Variants in CLK4 observed in about 807,000 individuals in gnomAD.
The protein encoded by CLK4 is dual specificity protein kinase CLK4.
In CLK4, 37 loss-of-function variants were observed where a neutral mutation model predicts 64.4. The observed-to-expected ratio is 0.57, with a 90% CI of 0.44 to 0.76. The LOEUF (loss-of-function observed/expected upper bound fraction) is 0.76, where lower values mean the gene tolerates loss of function less well. CLK4 is among the 30% of genes least tolerant of loss of function. The pLI, the probability that CLK4 is intolerant of heterozygous loss-of-function variation, is 0.00. For missense variants in CLK4, 457 were observed against 605.1 expected (o/e 0.76, Z 2.57); for synonymous variants, 175 against 191.6 (o/e 0.91, Z 0.72).
chr5:178,626,593 C>A (rs1764783434), intron 1 of CLK4, among the ~76,000 whole-genome samples: 1 of 152,256 alleles, frequency 6.6e-6, no homozygotes, highest in African/African-American at 2.4e-5. Flanking sequence ...ACACGAATGC[C>A]AGAGACGGCT....
chr5:178,617,534 A>G lies in CLK4; in HGVS notation c.385-100T>C, dbSNP rs1308738911. On this transcript the variant is annotated intron_variant, in intron 3 of 12. Coordinates refer to ENST00000316308, the MANE Select transcript of CLK4 (RefSeq NM_020666.3). The surrounding 1 kb of genome is among the most constrained non-coding windows in gnomAD (Gnocchi z 5.2). Reference sequence around the variant, plus strand: ...CAATTCATTCAGCGGGGAGATATTCAGGCATTCAGATAAGCACCAGGCCAC... The same window carrying G: ...CAATTCATTCAGCGGGGAGATATTCGGGCATTCAGATAAGCACCAGGCCAC... 3 of 1,214,044 alleles carry G rather than the reference A, an allele frequency of 2.5e-6. No homozygotes were observed. The highest frequency in any genetic ancestry group is 3.5e-6 in the Non-Finnish European group (3 of 865,208). 75.2% of individuals were successfully genotyped at this position (1,214,044 alleles called of 1,614,324 possible). A position where few individuals can be genotyped will look rare whatever the true frequency, so the allele number is the denominator to read the frequency against.
Position 178,603,641 on chromosome 5 carries a change from GA to G in CLK4, c.1421del (p.Phe474SerfsTer5). ...TTCATTTCTTTTTTAATAAGTCAAA[GA>G]AAGGATGCTGCAATGCTTCATCCAA... ...ITLDEALQHP[F>X]FDLLKKK On this transcript the variant is annotated frameshift_variant, in exon 13 of 13. Coordinates refer to ENST00000316308, the MANE Select transcript of CLK4 (RefSeq NM_020666.3). LOFTEE classifies it high-confidence loss of function. 6.3e-7 allele frequency: 1 copy of G among 1,584,086 alleles called. No individual in the cohort carries two copies. The highest frequency in any genetic ancestry group is 1.2e-5 in the South Asian group (1 of 85,118).
At chr5:178,626,487 C>G (rs1017536649) in intron 1 of CLK4, among the ~76,000 whole-genome samples, 1 of 152,210 alleles carries the variant, frequency 6.6e-6, no homozygotes, top group Non-Finnish European at 1.5e-5. Context: ...GCCTTTGGCG[C>G]ACTCAAGACA....
intron 2 of CLK4, among the ~76,000 whole-genome samples, chr5:178,621,216 C>T (rs1764702653): frequency 6.6e-6 from 1 of 152,154 alleles, no homozygotes; most frequent in African/African-American, 2.4e-5. Flanking sequence ...GGCCTTAGGT[C>T]ATACTCACTG....
intron 2 of CLK4, chr5:178,619,680 G>A (rs1387250043): frequency 5.1e-6 from 4 of 779,100 alleles, no homozygotes. Context: ...TGAAAGCCAT[G>A]GACTCTCTTT....
At chr5:178,614,476 G>C (rs889747726) in intron 5 of CLK4, among the ~76,000 whole-genome samples, 1 of 152,196 alleles carries the variant, frequency 6.6e-6, no homozygotes, top group Non-Finnish European at 1.5e-5. Flanking sequence ...GTGGGCTTTA[G>C]ACTGCGGCAT....
At chr5:178,605,667 T>A (rs947182682) in intron 10 of CLK4, among the ~76,000 whole-genome samples, 5 of 152,238 alleles carry the variant, frequency 3.3e-5, no homozygotes. Flanking sequence ...GAGCTAGGTA[T>A]GTGGGAACAT....
chr5:178,620,774 T>C (rs1764697431), intron 2 of CLK4: 1 of 274,002 alleles, frequency 3.6e-6, no homozygotes, highest in Middle Eastern at 9.6e-4. Context: ...AATCCAACAA[T>C]GTAGGAAATT....
chr5:178,626,343 A>C (rs1184776689), intron 1 of CLK4, among the ~76,000 whole-genome samples: 13 of 152,214 alleles, frequency 8.5e-5, no homozygotes, highest in Admixed American at 8.5e-4. Flanking sequence ...CGCTGCAACA[A>C]TGTTGTGTTC....
In CLK4 at chr5:178,617,072, A is replaced by C; in HGVS notation, c.476-124T>G. 1.4e-6 allele frequency: 1 copy of C among 717,960 alleles called. No individual in the cohort carries two copies. The highest frequency in any genetic ancestry group is 2.4e-6 in the Non-Finnish European group (1 of 418,506). 44.5% of individuals were successfully genotyped at this position (717,960 alleles called of 1,614,324 possible). On this transcript the variant is annotated intron_variant, in intron 4 of 12. Transcript: ENST00000316308. The surrounding 1 kb of genome is among the most constrained non-coding windows in gnomAD (Gnocchi z 5.2). Reference sequence around the variant, plus strand: ...TCTAACAAAGCATAACTAAGGTTTCAGCACTCAAATTATTTTAGTTTCAGC... The same window carrying C: ...TCTAACAAAGCATAACTAAGGTTTCCGCACTCAAATTATTTTAGTTTCAGC...
At chr5:178,604,064 A>G in intron 11 of CLK4, 130 bp from the exon 12 acceptor site, 3 of 580,374 alleles carry the variant, frequency 5.2e-6, no homozygotes, top group Non-Finnish European at 5.8e-6. Flanking sequence ...AGATGCATAC[A>G]ATTTTTAAAA....
rs560971861 is a variant in CLK4 at position 178,615,584 on chromosome 5, G to A, written c.542+1298C>T. ...TAATAAAACATTTCTAAGTATTCAA[G>A]AAGAGTTTGTTTATGGATGATGGTA... is the stretch of plus-strand genomic sequence containing the variant. On this transcript the variant is annotated intron_variant, in intron 5 of 12. Coordinates refer to ENST00000316308, the MANE Select transcript of CLK4 (RefSeq NM_020666.3). 9.2e-5 allele frequency among the ~76,000 whole-genome samples: 14 copies of A among 152,274 alleles called. 1 individual carries two copies. In the South Asian group the frequency reaches 2.7e-3, roughly 29 times the overall value.
rs919804763 is a variant in CLK4 at position 178,608,527 on chromosome 5, C to T, written c.1052-69G>A. On this transcript the variant is annotated intron_variant, in intron 9 of 12. Coordinates refer to ENST00000316308, the MANE Select transcript of CLK4 (RefSeq NM_020666.3). Reference sequence around the variant, plus strand: ...TAATTGACAGTACATTAAATCCTTCCCTATATGAGTGCTCCCTTTACAGAA... The same window carrying T: ...TAATTGACAGTACATTAAATCCTTCTCTATATGAGTGCTCCCTTTACAGAA... 1.1e-5 allele frequency: 12 copies of T among 1,129,732 alleles called. No homozygotes were observed. The African/African-American group carries it at 1.7e-4, about 16-fold the overall frequency. The allele number at this position is 1,129,732 out of a possible 1,614,324, so 70.0% of individuals were successfully genotyped here. A position where few individuals can be genotyped will look rare whatever the true frequency, so the allele number is the denominator to read the frequency against.
intron 10 of CLK4, among the ~76,000 whole-genome samples, chr5:178,607,998 T>C (rs775700): frequency 0.91 from 137,867 of 152,230 alleles, 62,505 homozygotes; most frequent in East Asian, 1. Flanking sequence ...CCTTGTTGTT[T>C]CTGAATTCTT....
intron 9 of CLK4, among the ~76,000 whole-genome samples, chr5:178,609,184 C>T (rs1320518085): frequency 6.6e-6 from 1 of 152,058 alleles, no homozygotes; most frequent in African/African-American, 2.4e-5. Context: ...AAAGAACCAA[C>T]CACATAGATA....
At chr5:178,607,983 C>A (rs1764492087) in intron 10 of CLK4, among the ~76,000 whole-genome samples, 1 of 152,138 alleles carries the variant, frequency 6.6e-6, no homozygotes, top group African/African-American at 2.4e-5. Context: ...GAGTAAAATA[C>A]AATCCCTTGT....
At chr5:178,613,013 CTG>C in intron 7 of CLK4, 123 bp from the exon 8 acceptor site, 2 of 517,584 alleles carry the variant, frequency 3.9e-6, no homozygotes, top group Non-Finnish European at 7.0e-6. Context: ...TGTAAAATGT[CTG>C]TTTTTTTAGT....
rs200310750 is a variant in CLK4, at chr5:178,603,623, C to T, written c.1440G>A (p.Lys480=). 1 of 1,564,994 alleles carries T rather than the reference C, an allele frequency of 6.4e-7. No individual in the cohort carries two copies. Among genetic ancestry groups the T allele is most frequent in the African/African-American group, 1.4e-5 (1 of 72,712 alleles). Residue 480 remains lysine (K), a synonymous_variant, in exon 13 of 13, where the codon AAG becomes AAA. Coordinates refer to ENST00000316308, the MANE Select transcript of CLK4 (RefSeq NM_020666.3). ...LQHPFFDLLK[K]K ...AAGACCACTGATTCCCATTTCATTT[C>T]TTTTTTAATAAGTCAAAGAAAGGAT...
intron 11 of CLK4, 106 bp from the exon 12 acceptor site, chr5:178,604,040 G>T (rs1236072588): frequency 3.0e-5 from 23 of 759,226 alleles, no homozygotes; most frequent in African/African-American, 5.3e-5. Context: ...TAAGTGTATA[G>T]ACTTATATAA....
Sources: allele counts gnomAD v4.1 joint callset (sites outside exome capture counted in the v4.1 genomes callset), GRCh38; gene constraint gnomAD v4.1.1; non-coding constraint Gnocchi (gnomAD v3.1); transcripts MANE v1.5; gene names NCBI Gene and HGNC (gene_info 2026-07-23, HGNC 2026-07-21).